Variants in UGT3A2 observed in about 807,000 individuals in gnomAD.
UGT3A2 encodes UDP glycosyltransferase family 3 member A2, also known as UDP-glycosyltransferase 3A2.
Under a neutral mutation model 39.8 loss-of-function variants are expected in UGT3A2, and 32 were observed. That is an observed-to-expected ratio of 0.80 (90% CI 0.61 to 1.08). The LOEUF (loss-of-function observed/expected upper bound fraction) is 1.08, where lower values mean the gene tolerates loss of function less well. Ranked by LOEUF, UGT3A2 falls within the 50% of genes least tolerant of loss-of-function variation. The pLI, the probability that UGT3A2 is intolerant of heterozygous loss-of-function variation, is 0.00. For synonymous variants in UGT3A2, 241 were observed against 230.7 expected (o/e 1.04, Z -0.40); for missense variants, 611 against 637.1 (o/e 0.96, Z 0.44).
At chr5:36,042,169 A>C (rs1206420922) in intron 4 of UGT3A2, among the ~76,000 whole-genome samples, 3 of 151,992 alleles carry the variant, frequency 2.0e-5, no homozygotes, top group African/African-American at 4.8e-5. Context: ...CAGAAGAAAG[A>C]ATAAGTGAGC....
chr5:36,066,881 C>T lies in UGT3A2; in HGVS notation c.-92G>A. 6.9e-7 allele frequency: 1 copy of T among 1,451,398 alleles called. No homozygotes were observed. The highest frequency in any genetic ancestry group is 1.7e-5 in the Admixed American group (1 of 59,168). The allele number at this position is 1,451,398 out of a possible 1,614,324, so 89.9% of individuals were successfully genotyped here. A position where few individuals can be genotyped will look rare whatever the true frequency, so the allele number is the denominator to read the frequency against. On this transcript the variant is annotated 5_prime_UTR_variant, in exon 1 of 7. It adds an upstream start codon to the 5' untranslated region. Transcript: ENST00000282507. ...TGTGCACCTCAGTGCGCCAAAGGCA[C>T]TGGCTGTGGGTAGAGGTAGGAGTAA...
At chr5:36,053,897 A>T (rs1159423358) in intron 2 of UGT3A2, among the ~76,000 whole-genome samples, 1 of 151,828 alleles carries the variant, frequency 6.6e-6, no homozygotes, top group Admixed American at 6.6e-5. Context: ...TTCCATCATC[A>T]CTTCTTTAAC....
intron 2 of UGT3A2, among the ~76,000 whole-genome samples, chr5:36,062,328 C>T (rs1479733249): frequency 6.6e-6 from 1 of 151,970 alleles, no homozygotes; most frequent in Non-Finnish European, 1.5e-5. Context: ...ATGCCTATGT[C>T]CTGAATGGTA....
chr5:36,060,389 C>A (rs1203783826), intron 2 of UGT3A2, among the ~76,000 whole-genome samples: 1 of 152,160 alleles, frequency 6.6e-6, no homozygotes, highest in African/African-American at 2.4e-5. Flanking sequence ...GCGTCTGCCA[C>A]CCAGAAGGAA....
chr5:36,039,710 T>C lies in UGT3A2; in HGVS notation c.844-2A>G, dbSNP rs763471438. On this transcript the variant is annotated splice_acceptor_variant, in intron 4 of 6. Coordinates refer to ENST00000282507, the MANE Select transcript of UGT3A2 (RefSeq NM_174914.4). LOFTEE classifies it high-confidence loss of function. ...CTTGGCAATGAAGTTCTCCAAGTCC[T>C]GGAGAAAGATTACCAAGGTAAAGAG... 6.2e-7 allele frequency: 1 copy of C among 1,613,690 alleles called. No individual in the cohort carries two copies. Among genetic ancestry groups the C allele is most frequent in the South Asian group, 1.1e-5 (1 of 91,076 alleles).
At chr5:36,041,760 G>A (rs964809085) in intron 4 of UGT3A2, among the ~76,000 whole-genome samples, 1 of 152,110 alleles carries the variant, frequency 6.6e-6, no homozygotes, top group Non-Finnish European at 1.5e-5. Context: ...TTGCACACTT[G>A]GAAAGCTTTC....
At chr5:36,066,235 A>G (rs371033491) in intron 1 of UGT3A2, among the ~76,000 whole-genome samples, 8 of 152,170 alleles carry the variant, frequency 5.3e-5, no homozygotes, top group African/African-American at 1.9e-4. Context: ...CAACATTTGC[A>G]GTGCTGCCCT....
intron 2 of UGT3A2, among the ~76,000 whole-genome samples, chr5:36,060,994 A>G (rs765467357): frequency 4.0e-4 from 61 of 152,278 alleles, no homozygotes; most frequent in Admixed American, 3.9e-4. Context: ...TGTCTCTACT[A>G]AAAATACAAA....
chr5:36,040,877 GCTCCAGGAGAGACTCCTTC>G (rs537373154), intron 4 of UGT3A2, among the ~76,000 whole-genome samples: 1 of 152,304 alleles, frequency 6.6e-6, no homozygotes, highest in Non-Finnish European at 1.5e-5. Flanking sequence ...GCAGCTCAGA[GCTCCAGGAGAGACTCCTTC>G]CTCCAGGAGA....
intron 4 of UGT3A2, among the ~76,000 whole-genome samples, chr5:36,040,349 C>G (rs12653691): frequency 0.039 from 5,902 of 152,100 alleles, 188 homozygotes; most frequent in East Asian, 0.12. Flanking sequence ...AGTGATTTTG[C>G]CCCCCGAAGG....
At position 36,039,484 on chromosome 5, in the gene UGT3A2, G is replaced by T. The variant is rs768471645; in HGVS notation, c.1068C>A (p.Asp356Glu). The T allele has an allele frequency of 2.5e-6, 4 of 1,613,988 alleles. No individual in the cohort carries two copies. The South Asian group carries it at 4.4e-5, about 18-fold the overall frequency. ...GTCCTGGGCAGCCCTTACCCAGGAG[G>T]TCACTCTGAGGAAGCCAGTCCACAA... ...VKIVDWLPQS[D>E]LLAHPSIRLF... The change falls in exon 5 of 7, where the codon GAC becomes GAA. Residue 356 changes from aspartate (D) to glutamate (E), a missense_variant. Physicochemically the swap from Asp to Glu is conservative, Grantham distance 45. Transcript: ENST00000282507.
intron 2 of UGT3A2, among the ~76,000 whole-genome samples, chr5:36,053,043 A>G (rs895114066): frequency 3.6e-4 from 55 of 152,314 alleles, no homozygotes; most frequent in African/African-American, 1.3e-3. Context: ...ATGGCTACTC[A>G]TAGTATACTT....
intron 6 of UGT3A2, among the ~76,000 whole-genome samples, chr5:36,036,690 T>G (rs946347363): frequency 2.0e-5 from 3 of 152,220 alleles, no homozygotes; most frequent in Non-Finnish European, 2.9e-5. Context: ...AAAATTGATC[T>G]GGAGTTAACC....
At position 36,035,366 on chromosome 5, in the gene UGT3A2, A is replaced by G. The variant is rs1741785450; in HGVS notation, c.*332T>C. On this transcript the variant is annotated 3_prime_UTR_variant, in exon 7 of 7. Transcript: ENST00000282507. ...GTCAGGGTGTGATTCGGAGAGGCGC[A>G]TGAGAAGGAAGGTGGATTTTAAGGC... The G allele has an allele frequency of 6.3e-6, 2 of 318,292 alleles. No homozygotes were observed. Among genetic ancestry groups the G allele is most frequent in the African/African-American group, 2.1e-5 (1 of 47,654 alleles). The allele number at this position is 318,292 out of a possible 1,614,324, so 19.7% of individuals were successfully genotyped here. A position where few individuals can be genotyped will look rare whatever the true frequency, so the allele number is the denominator to read the frequency against.
chr5:36,045,927 G>A (rs574350412), intron 4 of UGT3A2, among the ~76,000 whole-genome samples: 55 of 151,792 alleles, frequency 3.6e-4, no homozygotes, highest in African/African-American at 7.2e-4. Context: ...ACAACTCTAC[G>A]AGAAAAAAAA....
intron 4 of UGT3A2, among the ~76,000 whole-genome samples, chr5:36,043,729 T>C (rs1742082416): frequency 6.6e-6 from 1 of 151,980 alleles, no homozygotes; most frequent in African/African-American, 2.4e-5. Flanking sequence ...TGTGAGCAAC[T>C]ATATGCCAAT....
At chr5:36,036,152 T>C (rs1012768155) in intron 6 of UGT3A2, among the ~76,000 whole-genome samples, 178 bp from the exon 7 acceptor site, 1 of 152,242 alleles carries the variant, frequency 6.6e-6, no homozygotes, top group African/African-American at 2.4e-5. Context: ...AAGATCCATG[T>C]ATAATGCTAA....
intron 4 of UGT3A2, 129 bp from the exon 5 acceptor site, chr5:36,039,837 G>T: frequency 2.8e-6 from 2 of 711,944 alleles, no homozygotes; most frequent in South Asian, 3.6e-5. Flanking sequence ...TATTATTATA[G>T]CTCCTAGTAT....
At chr5:36,047,264 A>G (rs991228974) in intron 4 of UGT3A2, among the ~76,000 whole-genome samples, 3 of 152,144 alleles carry the variant, frequency 2.0e-5, no homozygotes, top group Non-Finnish European at 2.9e-5. Flanking sequence ...CTGTGCCCCA[A>G]CCACCTTGGG....
Sources: gnomAD v4.1 joint callset for allele counts (sites outside exome capture counted in the v4.1 genomes callset) on GRCh38, gnomAD v4.1.1 for gene constraint, MANE v1.5 for transcripts, NCBI Gene and HGNC (gene_info 2026-07-23, HGNC 2026-07-21) for gene names.